ZNF641: variants seen among roughly 807,000 people sequenced by gnomAD.
The protein encoded by ZNF641 is zinc finger protein 641.
ZNF641 carries 26 observed loss-of-function variants against 46.2 expected under a neutral mutation model. The ratio of observed to expected loss-of-function variants is 0.56; its 90% confidence interval spans 0.41 to 0.78. The LOEUF (loss-of-function observed/expected upper bound fraction) is 0.78. ZNF641 is among the 30% of genes least tolerant of loss of function. The pLI, the probability that ZNF641 is intolerant of heterozygous loss-of-function variation, is 0.00. For missense variants in ZNF641, 469 were observed against 517.8 expected, an observed-to-expected ratio of 0.91 and a Z score of 0.91; for synonymous variants, 163 against 187.9, an observed-to-expected ratio of 0.87 and a Z score of 1.09.
rs774181366 is a variant in ZNF641 at position 48,344,657 on chromosome 12, T to A, written c.462A>T (p.Gln154His). Residue 154 changes from glutamine to histidine, a missense_variant, in exon 5 of 6, where the codon CAA becomes CAT. By Grantham distance (24) the Gln-to-His change is conservative. This residue lies in a region of ZNF641 where 346 missense variants were observed against 354.0 expected (regional missense o/e 0.98). Coordinates refer to ENST00000547026, the MANE Select transcript of ZNF641 (RefSeq NM_001172681.2). ...CTAAGTCCTGGGGGTCAGGGACCCA[T>A]TGTTCTTCTCCTCCTTCTAGTTGAG... ...MLSQLEGGEEQWVPDPQDLEE... is the reference protein window; with the variant it reads ...MLSQLEGGEEHWVPDPQDLEE... The A allele has an allele frequency of 1.2e-5, 19 of 1,613,702 alleles. No homozygotes were observed. The highest frequency in any genetic ancestry group is 6.7e-5 in the Admixed American group (4 of 59,936).
chr12:48,345,495 T>A, intron 3 of ZNF641, 21 bp from the exon 4 acceptor site: 1 of 1,613,722 alleles, frequency 6.2e-7, no homozygotes. Flanking sequence ...ATGTAGCATC[T>A]TCTGTCAGCA....
rs993999186 is a variant in ZNF641 at position 48,337,794 on chromosome 12, A to T, written c.*5179T>A. 1 of 151,600 alleles carries T rather than the reference A, an allele frequency of 6.6e-6. No individual in the cohort carries two copies. Among genetic ancestry groups the T allele is most frequent in the Non-Finnish European group, 1.5e-5 (1 of 67,970 alleles). 9.4% of individuals were successfully genotyped at this position (151,600 alleles called of 1,614,324 possible). The stretch of plus-strand genomic sequence containing the variant: ...CAGTGAGCCGAGATCGCGTCACTGC[A>T]CTCCAGCCTGGGTGACAGAGCAAGA... On this transcript the variant is annotated 3_prime_UTR_variant, in exon 6 of 6. Transcript: ENST00000547026.
chr12:48,350,036 G>A, intron 1 of ZNF641: 1 of 1,614,204 alleles, frequency 6.2e-7, no homozygotes, highest in Non-Finnish European at 8.5e-7. Flanking sequence ...GCAAAGGATG[G>A]GATGGGTACC....
In ZNF641 at chr12:48,344,304, T is replaced by C. The variant is rs191924266; in HGVS notation, c.520+295A>G. On this transcript the variant is annotated intron_variant, in intron 5 of 5. Transcript: ENST00000547026. ...TGAGTGCTTATTATGTGCTTGGCAC[T>C]GTTCTATTCTAATATTCTAATATAT... 5.4e-5 allele frequency: 11 copies of C among 203,412 alleles called. No individual in the cohort carries two copies. The East Asian group carries it at 1.2e-3, about 23-fold the overall frequency. 12.6% of individuals were successfully genotyped at this position (203,412 alleles called of 1,614,324 possible). A position where few individuals can be genotyped will look rare whatever the true frequency, so the allele number is the denominator to read the frequency against.
Position 48,340,992 on chromosome 12 carries a change from A to G in ZNF641, c.*1981T>C. On this transcript the variant is annotated 3_prime_UTR_variant, in exon 6 of 6. Coordinates refer to ENST00000547026, the MANE Select transcript of ZNF641 (RefSeq NM_001172681.2). ...ATAGGATCATAAGCAAGAGAACTGCATTCCAGGAAGAATGAAGGAAGAAGG... is the reference window on the plus strand; with the variant it reads ...ATAGGATCATAAGCAAGAGAACTGCGTTCCAGGAAGAATGAAGGAAGAAGG... 1.3e-5 allele frequency: 13 copies of G among 985,500 alleles called. No individual in the cohort carries two copies. Among genetic ancestry groups the G allele is most frequent in the Non-Finnish European group, 1.6e-5 (13 of 829,954 alleles). The allele number at this position is 985,500 out of a possible 1,614,324, so 61.0% of individuals were successfully genotyped here. A position where few individuals can be genotyped will look rare whatever the true frequency, so the allele number is the denominator to read the frequency against.
chr12:48,350,918 G>A lies in ZNF641; in HGVS notation c.-158C>T. ...ACAGGCGGAGACGGCGGCCCGGCAG[G>A]CGCGGGCGGGGCGGGGCGGGCACAG... On this transcript the variant is annotated 5_prime_UTR_variant, in exon 1 of 6. Transcript: ENST00000547026. 1.0e-6 allele frequency: 1 copy of A among 953,114 alleles called. No individual in the cohort carries two copies. Among genetic ancestry groups the A allele is most frequent in the Non-Finnish European group, 1.2e-6 (1 of 800,476 alleles). The allele number at this position is 953,114 out of a possible 1,614,324, so 59.0% of individuals were successfully genotyped here.
chr12:48,346,429 G>A (rs1041860131), intron 3 of ZNF641, among the ~76,000 whole-genome samples: 3 of 152,090 alleles, frequency 2.0e-5, no homozygotes, highest in African/African-American at 7.2e-5. Context: ...TAAACACTCT[G>A]GGGGTGTACT....
intron 3 of ZNF641, among the ~76,000 whole-genome samples, chr12:48,345,724 G>A (rs1952853214): frequency 6.6e-6 from 1 of 152,158 alleles, no homozygotes; most frequent in South Asian, 2.1e-4. Context: ...TGAGAAGCTG[G>A]AGGCACCATA....
intron 1 of ZNF641, among the ~76,000 whole-genome samples, chr12:48,349,067 G>A (rs1390486816): frequency 2.0e-5 from 3 of 152,180 alleles, no homozygotes. Flanking sequence ...GTCGGATGTA[G>A]TTTTCTCTGT....
Position 48,340,148 on chromosome 12 carries a change from T to G in ZNF641, c.*2825A>C, listed in dbSNP as rs1952685752. 1.0e-6 allele frequency: 1 copy of G among 985,342 alleles called. No individual in the cohort carries two copies. Among genetic ancestry groups the G allele is most frequent in the Non-Finnish European group, 1.2e-6 (1 of 829,948 alleles). The allele number at this position is 985,342 out of a possible 1,614,324, so 61.0% of individuals were successfully genotyped here. A position where few individuals can be genotyped will look rare whatever the true frequency, so the allele number is the denominator to read the frequency against. ...CATCTGATGGCTGTTGCTTGTTTTATTTTTTGTCCAAGAGAGGTGGTGTTG... is the reference window on the plus strand; with the variant it reads ...CATCTGATGGCTGTTGCTTGTTTTAGTTTTTGTCCAAGAGAGGTGGTGTTG... On this transcript the variant is annotated 3_prime_UTR_variant, in exon 6 of 6. Transcript: ENST00000547026.
Position 48,347,243 on chromosome 12 carries a change from A to G in ZNF641, c.276+9T>C. On this transcript the variant is annotated intron_variant, in intron 3 of 5. Coordinates refer to ENST00000547026, the MANE Select transcript of ZNF641 (RefSeq NM_001172681.2). ...GACCACAGGAGACGCCAAGGGAAGC[A>G]GAGCTCACCTGTGATCCAGCCGCAA... is the stretch of plus-strand genomic sequence containing the variant. The G allele has an allele frequency of 1.2e-6, 2 of 1,613,912 alleles. No homozygotes were observed. Among genetic ancestry groups the G allele is most frequent in the Non-Finnish European group, 1.7e-6 (2 of 1,179,860 alleles).
chr12:48,347,708 C>G (rs371962306), intron 2 of ZNF641, among the ~76,000 whole-genome samples, 199 bp downstream of exon 2: 2 of 152,202 alleles, frequency 1.3e-5, no homozygotes, highest in African/African-American at 4.8e-5. Context: ...TATGAAGAAA[C>G]AAGAGAAGCC....
At position 48,342,076 on chromosome 12, in the gene ZNF641, G is replaced by C. The variant is rs1042926660; in HGVS notation, c.*897C>G. ...ACAAATACACAGACACATAAAGACA[G>C]TCAAGAGGAGAGAGGGGACTGTTCA... is the stretch of plus-strand genomic sequence containing the variant. On this transcript the variant is annotated 3_prime_UTR_variant, in exon 6 of 6. Coordinates refer to ENST00000547026, the MANE Select transcript of ZNF641 (RefSeq NM_001172681.2). 2.5e-5 allele frequency: 25 copies of C among 985,348 alleles called. No individual in the cohort carries two copies. The highest frequency in any genetic ancestry group is 2.7e-5 in the Non-Finnish European group (22 of 829,980). The allele number at this position is 985,348 out of a possible 1,614,324, so 61.0% of individuals were successfully genotyped here.
rs1290901461 is a variant in ZNF641 at position 48,342,767 on chromosome 12, A to G, written c.*206T>C. On this transcript the variant is annotated 3_prime_UTR_variant, in exon 6 of 6. Transcript: ENST00000547026. ...CATGTAGGATGCATTGCTTCCCAAA[A>G]GTTTTGCCCAAAGAACTCTATTTTT... The G allele has an allele frequency of 4.3e-6, 6 of 1,403,608 alleles. No individual in the cohort carries two copies. In the Admixed American group the frequency reaches 1.3e-4, roughly 30 times the overall value. The allele number at this position is 1,403,608 out of a possible 1,614,324, so 86.9% of individuals were successfully genotyped here.
At chr12:48,343,805 G>A in intron 5 of ZNF641, 78 bp from the exon 6 acceptor site, 1 of 1,363,722 alleles carries the variant, frequency 7.3e-7, no homozygotes, top group South Asian at 1.6e-5. Flanking sequence ...AAATGAGGTT[G>A]TCTGATACCT....
intron 5 of ZNF641, 112 bp downstream of exon 5, chr12:48,344,487 T>C (rs1952808640): frequency 7.7e-6 from 5 of 646,356 alleles, no homozygotes; most frequent in Non-Finnish European, 1.3e-5. Flanking sequence ...AAAAAATCTC[T>C]AAACCTTTTG....
intron 3 of ZNF641, 158 bp downstream of exon 3, chr12:48,347,094 G>T: frequency 7.5e-7 from 1 of 1,334,952 alleles, no homozygotes; most frequent in Non-Finnish European, 1.0e-6. Flanking sequence ...TTTTCCAAGG[G>T]TCTTATGACC....
rs1952723446 is a variant in ZNF641 at position 48,341,794 on chromosome 12, C to T, written c.*1179G>A. On this transcript the variant is annotated 3_prime_UTR_variant, in exon 6 of 6. Transcript: ENST00000547026. ...CTTTCTCTGCCAGGGCAAAAGCAAT[C>T]TGCAGCCCAGAGATTCAAACCTAGA... 3 of 985,488 alleles carry T rather than the reference C, an allele frequency of 3.0e-6. No individual in the cohort carries two copies. Among genetic ancestry groups the T allele is most frequent in the Non-Finnish European group, 3.6e-6 (3 of 829,956 alleles). 61.0% of individuals were successfully genotyped at this position (985,488 alleles called of 1,614,324 possible). A position where few individuals can be genotyped will look rare whatever the true frequency, so the allele number is the denominator to read the frequency against.
chr12:48,335,531 G>A (rs1952597934), downstream of ZNF641, among the ~76,000 whole-genome samples: 2 of 152,184 alleles, frequency 1.3e-5, no homozygotes, highest in Non-Finnish European at 2.9e-5. Flanking sequence ...CCCACCATAT[G>A]CAAGAACAGT....
Sources: gnomAD v4.1 joint callset for allele counts (sites outside exome capture counted in the v4.1 genomes callset) on GRCh38, gnomAD v4.1.1 for gene constraint, gnomAD v4.1.1 regional missense constraint, MANE v1.5 for transcripts, NCBI Gene and HGNC (gene_info 2026-07-23, HGNC 2026-07-21) for gene names.